Variants in DNAH6 observed in about 807,000 individuals in gnomAD.
The protein encoded by DNAH6 is axonemal beta dynein heavy chain 6.
DNAH6 carries 340 observed loss-of-function variants against 491.4 expected under a neutral mutation model. The ratio of observed to expected loss-of-function variants is 0.69; its 90% CI spans 0.63 to 0.76. The LOEUF (loss-of-function observed/expected upper bound fraction) is 0.76, where lower values mean the gene tolerates loss of function less well. Ranked by LOEUF, DNAH6 falls within the 30% of genes least tolerant of loss-of-function variation. The pLI is 0.00. For missense variants in DNAH6, 4,443 were observed against 4,972.2 expected, an observed-to-expected ratio of 0.89 and a Z score of 3.20; for synonymous variants, 1,603 against 1,686.1, an observed-to-expected ratio of 0.95 and a Z score of 1.21.
intron 21 of DNAH6, among the ~76,000 whole-genome samples, chr2:84,609,597 G>C (rs1442676596): frequency 1.3e-5 from 2 of 151,932 alleles, no homozygotes; most frequent in Non-Finnish European, 2.9e-5. Context: ...TCTTATATAA[G>C]CATGGTTCAT....
chr2:84,586,389 C>T (rs150305787), intron 15 of DNAH6, among the ~76,000 whole-genome samples: 137 of 152,284 alleles, frequency 9.0e-4, no homozygotes, highest in South Asian at 3.9e-3. Context: ...CCATCTGGAG[C>T]GGGAATGTTA....
At chr2:84,743,414 C>T (rs1374552172) in intron 62 of DNAH6, among the ~76,000 whole-genome samples, 1 of 152,222 alleles carries the variant, frequency 6.6e-6, no homozygotes, top group Non-Finnish European at 1.5e-5. Context: ...TAGATATTTA[C>T]AAGTGATGTC....
chr2:84,809,482 A>G (rs138098816), intron 72 of DNAH6, among the ~76,000 whole-genome samples: 2 of 152,256 alleles, frequency 1.3e-5, no homozygotes, highest in Non-Finnish European at 2.9e-5. Context: ...CTAGTCAGGT[A>G]TGCACCAAAG....
chr2:84,621,526 A>G lies in DNAH6; in HGVS notation c.4046A>G (p.Lys1349Arg). The change falls in exon 26 of 77, where the codon AAG (lysine) becomes AGG (arginine). Residue 1349 changes from lysine (K) to arginine (R), a missense_variant. Lys to Arg is a conservative substitution (Grantham distance 26, BLOSUM62 2). This residue lies in a region of DNAH6 where 2,977 missense variants were observed against 3,296.6 expected (regional missense o/e 0.90). Transcript: ENST00000389394. ...CACAGTAATCATATACAGGCCCTGA[A>G]GAATTTTGAAAAAGTAAATTTTGAG... ...TEHSNHIQAL[K>R]NFEKVNFERL... The G allele has an allele frequency of 6.6e-7, 1 of 1,522,606 alleles. No individual in the cohort carries two copies. Among genetic ancestry groups the G allele is most frequent in the Non-Finnish European group, 8.9e-7 (1 of 1,124,138 alleles). 94.3% of individuals were successfully genotyped at this position (1,522,606 alleles called of 1,614,324 possible). A position where few individuals can be genotyped will look rare whatever the true frequency, so the allele number is the denominator to read the frequency against.
chr2:84,514,686 TAGC>T (rs761495317), upstream of DNAH6, among the ~76,000 whole-genome samples: 1 of 152,128 alleles, frequency 6.6e-6, no homozygotes, highest in Non-Finnish European at 1.5e-5. Flanking sequence ...ACTATAAAAA[TAGC>T]AGGCTATACA....
intron 69 of DNAH6, among the ~76,000 whole-genome samples, chr2:84,796,778 C>T (rs558442897): frequency 6.6e-6 from 1 of 152,258 alleles, no homozygotes; most frequent in African/African-American, 2.4e-5. Flanking sequence ...AGGAGAATCA[C>T]TTGAGCTCAG....
chr2:84,582,867 G>A (rs988605500), intron 14 of DNAH6, among the ~76,000 whole-genome samples: 1 of 152,194 alleles, frequency 6.6e-6, no homozygotes, highest in Non-Finnish European at 1.5e-5. Context: ...GACCTGTTAT[G>A]TTTCCACATA....
chr2:84,670,118 A>T (rs1225519186), intron 38 of DNAH6, among the ~76,000 whole-genome samples: 2 of 152,218 alleles, frequency 1.3e-5, no homozygotes, highest in African/African-American at 4.8e-5. Flanking sequence ...CTAAATTAAA[A>T]CTTTTTGCTA....
At chr2:84,542,597 A>G (rs1233617233) in intron 4 of DNAH6, among the ~76,000 whole-genome samples, 2 of 152,132 alleles carry the variant, frequency 1.3e-5, no homozygotes, top group Admixed American at 1.3e-4. Context: ...ATCTCCTTGC[A>G]GGCTCACATG....
chr2:84,637,782 T>A (rs2104483540), intron 31 of DNAH6, among the ~76,000 whole-genome samples: 1 of 152,304 alleles, frequency 6.6e-6, no homozygotes, highest in East Asian at 1.9e-4. Flanking sequence ...TATGAAGTGG[T>A]TGGAGATTGG....
chr2:84,610,877 C>T (rs902786918), intron 21 of DNAH6, among the ~76,000 whole-genome samples: 5 of 152,114 alleles, frequency 3.3e-5, no homozygotes, highest in South Asian at 2.1e-4. Context: ...TCAAGGGGGA[C>T]GTTTTCATAC....
chr2:84,782,632 A>G (rs1676800928), intron 65 of DNAH6, among the ~76,000 whole-genome samples: 1 of 151,952 alleles, frequency 6.6e-6, no homozygotes, highest in Admixed American at 6.6e-5. Context: ...AAAGGTAAGG[A>G]CTCATTTTTA....
intron 16 of DNAH6, among the ~76,000 whole-genome samples, chr2:84,593,160 A>G (rs1235637768): frequency 2.0e-5 from 3 of 152,174 alleles, no homozygotes; most frequent in African/African-American, 7.2e-5. Context: ...CTGAAATGAA[A>G]CTGTGTCTTC....
the DNAH6 span, among the ~76,000 whole-genome samples, chr2:84,473,355 A>C: frequency 6.6e-6 from 1 of 152,204 alleles, no homozygotes; most frequent in East Asian, 1.9e-4. Context: ...AATTTGGTCT[A>C]AGTACAGAGT....
chr2:84,776,746 A>C (rs1389019443), intron 64 of DNAH6, among the ~76,000 whole-genome samples: 1 of 152,232 alleles, frequency 6.6e-6, no homozygotes, highest in African/African-American at 2.4e-5. Flanking sequence ...ATTACTGGGT[A>C]TATACCCAAA....
chr2:84,688,634 A>AT (rs1268622925), intron 45 of DNAH6, 41 bp downstream of exon 45: 2 of 1,461,498 alleles, frequency 1.4e-6, no homozygotes, highest in East Asian at 2.7e-5. Flanking sequence ...TTGATTTAAT[A>AT]TTTTTTGTAT....
chr2:84,728,696 C>A (rs1375871473), intron 61 of DNAH6, among the ~76,000 whole-genome samples: 3 of 152,112 alleles, frequency 2.0e-5, no homozygotes, highest in African/African-American at 7.2e-5. Context: ...TGGGAAGTGA[C>A]AAAATGACTT....
At chr2:84,682,370 A>G (rs1360955434) in intron 42 of DNAH6, among the ~76,000 whole-genome samples, 1 of 152,054 alleles carries the variant, frequency 6.6e-6, no homozygotes, top group Non-Finnish European at 1.5e-5. Context: ...CTTCTTCCCT[A>G]CCTCAAAATG....
intron 29 of DNAH6, among the ~76,000 whole-genome samples, chr2:84,625,928 A>G (rs1439828380): frequency 2.0e-5 from 3 of 152,146 alleles, no homozygotes; most frequent in Admixed American, 6.5e-5. Flanking sequence ...TTAATTGTTT[A>G]TACTCTTCTT....
Sources: allele counts gnomAD v4.1 joint callset (sites outside exome capture counted in the v4.1 genomes callset), GRCh38; gene constraint gnomAD v4.1.1; regional missense constraint gnomAD v4.1.1; transcripts MANE v1.5; gene names NCBI Gene and HGNC (gene_info 2026-07-23, HGNC 2026-07-21).